The following ASIC2 variants were observed in gnomAD, a reference collection of about 807,000 sequenced individuals.
The protein encoded by ASIC2 is acid sensing ion channel subunit 2.
In ASIC2, 25 loss-of-function variants were observed where a neutral mutation model predicts 57.3. The observed-to-expected ratio is 0.44, with a 90% CI of 0.32 to 0.61. ASIC2 has a LOEUF of 0.61. Ranked by LOEUF, ASIC2 falls within the 20% of genes least tolerant of loss-of-function variation. The pLI, the probability that ASIC2 is intolerant of heterozygous loss-of-function variation, is 0.06. For synonymous variants in ASIC2, 319 were observed against 307.5 expected, an observed-to-expected ratio of 1.04 and a Z score of -0.39; for missense variants, 641 against 738.1, an observed-to-expected ratio of 0.87 and a Z score of 1.52.
chr17:34,058,855 C>T (rs888086537), intron 1 of ASIC2, among the ~76,000 whole-genome samples: 1 of 152,174 alleles, frequency 6.6e-6, no homozygotes, highest in Non-Finnish European at 1.5e-5. Flanking sequence ...TTTTGGTTCT[C>T]TTCAGATAAT....
chr17:34,132,379 G>C (rs904154226), intron 1 of ASIC2, among the ~76,000 whole-genome samples: 1 of 152,280 alleles, frequency 6.6e-6, no homozygotes, highest in Middle Eastern at 3.4e-3. Context: ...CAGGTAGACG[G>C]GTTGCGGCTG....
chr17:33,520,010 A>G (rs1042071837), intron 1 of ASIC2, among the ~76,000 whole-genome samples: 2 of 152,228 alleles, frequency 1.3e-5, no homozygotes, highest in African/African-American at 4.8e-5. Context: ...TCAGAGAAAC[A>G]AATGCTGTTA....
chr17:33,244,361 AG>A (rs1484429446), intron 1 of ASIC2, among the ~76,000 whole-genome samples: 1 of 152,222 alleles, frequency 6.6e-6, no homozygotes, highest in Non-Finnish European at 1.5e-5. Flanking sequence ...TGAGGCCTCT[AG>A]GAAGTGCGTG....
intron 1 of ASIC2, among the ~76,000 whole-genome samples, chr17:34,026,047 C>T (rs184583855): frequency 1.2e-4 from 19 of 152,230 alleles, no homozygotes; most frequent in South Asian, 4.2e-4. Flanking sequence ...AGATAGCCTA[C>T]GCAAAGGTTA....
At chr17:33,440,210 C>T (rs1210156725) in intron 1 of ASIC2, among the ~76,000 whole-genome samples, 3 of 152,160 alleles carry the variant, frequency 2.0e-5, no homozygotes, top group Non-Finnish European at 4.4e-5. Context: ...TGTAAATTTA[C>T]CTTTTCTAGA....
At chr17:33,579,565 T>G (rs1225600459) in intron 1 of ASIC2, among the ~76,000 whole-genome samples, 2 of 152,172 alleles carry the variant, frequency 1.3e-5, no homozygotes, top group African/African-American at 4.8e-5. Context: ...GGGCAGACCC[T>G]ACTGGTGAGT....
chr17:33,431,598 A>G (rs988162859), intron 1 of ASIC2, among the ~76,000 whole-genome samples: 1 of 152,122 alleles, frequency 6.6e-6, no homozygotes, highest in Non-Finnish European at 1.5e-5. Context: ...GAGTCATATA[A>G]AAACTGGGTA....
Position 33,126,005 on chromosome 17 carries a change from G to A in ASIC2, c.709-13938C>T, listed in dbSNP as rs142274936. Among the ~76,000 whole-genome samples the A allele has an allele frequency of 1.8e-4, 27 of 152,298 alleles. No individual in the cohort carries two copies. The South Asian group carries it at 2.9e-3, about 16-fold the overall frequency. On this transcript the variant is annotated intron_variant, in intron 1 of 9. Transcript: ENST00000225823. The stretch of plus-strand genomic sequence containing the variant: ...GTGTGGGTGCCTCCTTAAATTTTGC[G>A]TCTTAGTCCAGCTCCTGCTCAGGAC...
chr17:33,352,951 G>A (rs1908242299), intron 1 of ASIC2, among the ~76,000 whole-genome samples: 3 of 151,952 alleles, frequency 2.0e-5, no homozygotes, highest in South Asian at 2.1e-4. Flanking sequence ...CACAATACCC[G>A]ACCCCAGAGC....
At chr17:34,143,463 G>C (rs536461065) in intron 1 of ASIC2, among the ~76,000 whole-genome samples, 1 of 152,228 alleles carries the variant, frequency 6.6e-6, no homozygotes, top group Non-Finnish European at 1.5e-5. Context: ...GTTACTTCTT[G>C]TAGGAATGAA....
intron 1 of ASIC2, among the ~76,000 whole-genome samples, chr17:33,756,806 T>C (rs1372210625): frequency 1.3e-5 from 2 of 152,250 alleles, no homozygotes; most frequent in African/African-American, 2.4e-5. Context: ...GAAGATGCTG[T>C]ATTGGTTTTC....
chr17:33,775,365 T>C (rs1445795232), intron 1 of ASIC2, among the ~76,000 whole-genome samples: 2 of 152,210 alleles, frequency 1.3e-5, no homozygotes, highest in Non-Finnish European at 2.9e-5. Context: ...GGACTCAGCA[T>C]CTGCCTTCAT....
At chr17:33,158,565 T>C (rs1905075310) in intron 1 of ASIC2, among the ~76,000 whole-genome samples, 1 of 152,234 alleles carries the variant, frequency 6.6e-6, no homozygotes, top group Non-Finnish European at 1.5e-5. Flanking sequence ...TCTGTCCTTT[T>C]AGGAGAGTGA....
rs1350079341 is a variant in ASIC2 at position 33,293,026 on chromosome 17, C to T, written c.-911G>A. 2 of 985,470 alleles carry T rather than the reference C, an allele frequency of 2.0e-6. No individual in the cohort carries two copies. Among genetic ancestry groups the T allele is most frequent in the African/African-American group, 1.7e-5 (1 of 57,260 alleles). 61.0% of individuals were successfully genotyped at this position (985,470 alleles called of 1,614,324 possible). A position where few individuals can be genotyped will look rare whatever the true frequency, so the allele number is the denominator to read the frequency against. On this transcript the variant is annotated 5_prime_UTR_variant, in exon 1 of 10. Coordinates refer to ENST00000225823, the MANE Select transcript of ASIC2 (RefSeq NM_183377.2). ...AGAAAAGCCCAGCCTTGCTGTCTCT[C>T]GCGTCTTCTCTCTGCCCCCGCGGCG...
chr17:34,112,281 T>A (rs1911299601), intron 1 of ASIC2, among the ~76,000 whole-genome samples: 1 of 152,072 alleles, frequency 6.6e-6, no homozygotes, highest in Non-Finnish European at 1.5e-5. Flanking sequence ...AGGATCACAG[T>A]GCAAGTTAAA....
chr17:33,671,524 G>A (rs1023693923), intron 1 of ASIC2, among the ~76,000 whole-genome samples: 3 of 152,180 alleles, frequency 2.0e-5, no homozygotes, highest in East Asian at 1.9e-4. Flanking sequence ...GATGGGATAT[G>A]GGAAAGACAA....
chr17:33,240,746 G>A (rs932910647), intron 1 of ASIC2, among the ~76,000 whole-genome samples: 9 of 152,106 alleles, frequency 5.9e-5, no homozygotes, highest in South Asian at 2.1e-4. Flanking sequence ...TGCGGGGTCC[G>A]TGCCCTGCTG....
intron 1 of ASIC2, among the ~76,000 whole-genome samples, chr17:33,933,610 A>C (rs1915993163): frequency 1.3e-5 from 2 of 152,346 alleles, no homozygotes; most frequent in Admixed American, 1.3e-4. Context: ...GACCTCATGC[A>C]CTGGGAATGT....
intron 1 of ASIC2, among the ~76,000 whole-genome samples, chr17:33,983,656 C>T (rs1905706199): frequency 6.6e-6 from 1 of 152,172 alleles, no homozygotes; most frequent in South Asian, 2.1e-4. Context: ...AATTCGTGAG[C>T]CACCCTGGTG....
Sources: gnomAD v4.1 joint callset for allele counts (sites outside exome capture counted in the v4.1 genomes callset) on GRCh38, gnomAD v4.1.1 for gene constraint, MANE v1.5 for transcripts, NCBI Gene and HGNC (gene_info 2026-07-23, HGNC 2026-07-21) for gene names.